MDFIC2: variants seen among roughly 807,000 people sequenced by gnomAD.
MDFIC2 encodes myoD family inhibitor domain-containing protein 2.
chr3:70,262,156 A>T (rs1701873381), intron 2 of MDFIC2, among the ~76,000 whole-genome samples: 1 of 152,196 alleles, frequency 6.6e-6, no homozygotes, highest in South Asian at 2.1e-4. Flanking sequence ...GCTCGGTAAC[A>T]ATACTTTCAA....
At chr3:70,197,323 C>A in intron 3 of MDFIC2, 138 bp from the exon 4 acceptor site, 1 of 396,780 alleles carries the variant, frequency 2.5e-6, no homozygotes, top group Admixed American at 4.4e-5. Context: ...GTACACCCTT[C>A]TTCTCTCAAG....
At chr3:70,305,925 G>C (rs1422685156) in intron 2 of MDFIC2, among the ~76,000 whole-genome samples, 4 of 151,906 alleles carry the variant, frequency 2.6e-5, no homozygotes, top group Admixed American at 6.6e-5. Flanking sequence ...GGATTTTTTT[G>C]GACCTCTAGG....
At chr3:70,199,341 C>T (rs1701212164) in intron 3 of MDFIC2, among the ~76,000 whole-genome samples, 2 of 151,986 alleles carry the variant, frequency 1.3e-5, no homozygotes, top group Admixed American at 6.5e-5. Flanking sequence ...CTCTGGAGGT[C>T]TCCTCTTCTA....
rs554767666 is a variant in MDFIC2, at chr3:70,226,933, T to A, written c.89-20143A>T. ...TGATGAAGCTTTTGATCTTTACCCA[T>A]AGATTTTTTATTTTAGCCTATAGAC... On this transcript the variant is annotated intron_variant, in intron 2 of 3. Coordinates refer to ENST00000567252, the MANE Select transcript of MDFIC2 (RefSeq NM_001364677.1). 2.0e-5 allele frequency among the ~76,000 whole-genome samples: 3 copies of A among 152,184 alleles called. No homozygotes were observed. The South Asian group carries it at 6.2e-4, about 32-fold the overall frequency.
intron 2 of MDFIC2, among the ~76,000 whole-genome samples, chr3:70,220,174 T>A (rs1047098685): frequency 6.6e-6 from 1 of 152,132 alleles, no homozygotes; most frequent in Admixed American, 6.5e-5. Flanking sequence ...TTTGAGAGAA[T>A]AAGGTTATAT....
At chr3:70,241,879 G>A (rs571729068) in intron 2 of MDFIC2, among the ~76,000 whole-genome samples, 1 of 152,292 alleles carries the variant, frequency 6.6e-6, no homozygotes, top group African/African-American at 2.4e-5. Context: ...GTAGAGATGG[G>A]CTTAGAACGA....
chr3:70,225,615 T>A (rs1180206993), intron 2 of MDFIC2, among the ~76,000 whole-genome samples: 1 of 152,196 alleles, frequency 6.6e-6, no homozygotes, highest in Non-Finnish European at 1.5e-5. Context: ...GCTAGAAGCA[T>A]GCCTAATTCC....
In MDFIC2 at chr3:70,195,010, C is replaced by T. The variant is rs1409039958; in HGVS notation, c.*1916G>A. On this transcript the variant is annotated 3_prime_UTR_variant, in exon 4 of 4. Transcript: ENST00000567252. ...TTTAGTATTTTAACAATTGTAACAC[C>T]TGCACCACTGAGTACCAGCTGGACT... Among the ~76,000 whole-genome samples, 2 of 152,102 alleles carry T rather than the reference C, an allele frequency of 1.3e-5. No homozygotes were observed. The highest frequency in any genetic ancestry group is 2.4e-5 in the African/African-American group (1 of 41,416).
chr3:70,271,465 G>C (rs1226830707), intron 2 of MDFIC2, among the ~76,000 whole-genome samples: 1 of 152,116 alleles, frequency 6.6e-6, no homozygotes, highest in Non-Finnish European at 1.5e-5. Flanking sequence ...CAGAAGTCTG[G>C]AATTTGTATG....
At chr3:70,291,263 ACT>A (rs1218008019) in intron 2 of MDFIC2, 2 of 151,848 alleles carry the variant, frequency 1.3e-5, no homozygotes, top group African/African-American at 2.4e-5. Context: ...ATTATCTAGG[ACT>A]CTATTTTCTC....
At chr3:70,266,190 TA>T (rs2106666272) in intron 2 of MDFIC2, among the ~76,000 whole-genome samples, 1 of 152,306 alleles carries the variant, frequency 6.6e-6, no homozygotes, top group South Asian at 2.1e-4. Context: ...TACAAACATT[TA>T]TGTTTTTTTA....
intron 2 of MDFIC2, among the ~76,000 whole-genome samples, chr3:70,310,612 C>T (rs959910055): frequency 2.0e-5 from 3 of 151,950 alleles, no homozygotes; most frequent in African/African-American, 4.8e-5. Flanking sequence ...GTGATCCACC[C>T]GCCTCGGCCT....
At chr3:70,270,768 A>C (rs1317561620) in intron 2 of MDFIC2, among the ~76,000 whole-genome samples, 1 of 152,204 alleles carries the variant, frequency 6.6e-6, no homozygotes, top group Non-Finnish European at 1.5e-5. Context: ...CATCATTCTC[A>C]GCAAACTAAC....
intron 2 of MDFIC2, among the ~76,000 whole-genome samples, chr3:70,221,858 T>G (rs933445760): frequency 6.6e-6 from 1 of 152,210 alleles, no homozygotes; most frequent in African/African-American, 2.4e-5. Context: ...ATTGAGGTTT[T>G]GTCGTTACTT....
intron 2 of MDFIC2, among the ~76,000 whole-genome samples, chr3:70,228,714 ATTC>A (rs1701531657): frequency 6.7e-6 from 1 of 149,308 alleles, no homozygotes; most frequent in Admixed American, 6.7e-5. Flanking sequence ...GGAAATGTAT[ATTC>A]TTCTCATTAA....
chr3:70,310,851 A>G (rs551404654), intron 2 of MDFIC2, among the ~76,000 whole-genome samples: 1 of 152,296 alleles, frequency 6.6e-6, no homozygotes, highest in South Asian at 2.1e-4. Flanking sequence ...TGGTGGTTAC[A>G]TTCACATGCT....
At chr3:70,245,435 C>T (rs985904126) in intron 2 of MDFIC2, among the ~76,000 whole-genome samples, 1 of 151,396 alleles carries the variant, frequency 6.6e-6, no homozygotes, top group African/African-American at 2.4e-5. Flanking sequence ...AAATCACAAA[C>T]TTGACTTTGA....
At chr3:70,212,386 C>A (rs1365230493) in intron 2 of MDFIC2, among the ~76,000 whole-genome samples, 6 of 152,134 alleles carry the variant, frequency 3.9e-5, no homozygotes, top group Admixed American at 3.9e-4. Context: ...CTGGCTATCC[C>A]TGGAGAATTC....
chr3:70,297,253 C>T (rs776963669), intron 2 of MDFIC2, among the ~76,000 whole-genome samples: 10 of 151,804 alleles, frequency 6.6e-5, no homozygotes, highest in Admixed American at 1.3e-4. Flanking sequence ...TGAGTCCTTA[C>T]AAAAATAAAG....
Sources: allele counts gnomAD v4.1 joint callset (sites outside exome capture counted in the v4.1 genomes callset), GRCh38; gene constraint gnomAD v4.1.1; transcripts MANE v1.5; gene names NCBI Gene and HGNC (gene_info 2026-07-23, HGNC 2026-07-21).